Variants in CCDC186 observed in about 807,000 individuals in gnomAD.
CCDC186 encodes the protein coiled-coil domain containing 186, also known as coiled-coil domain-containing protein 186.
CCDC186 carries 49 observed loss-of-function variants against 113.7 expected under a neutral mutation model. The observed-to-expected ratio is 0.43, with a 90% CI of 0.34 to 0.55. The LOEUF (loss-of-function observed/expected upper bound fraction) is 0.55, where lower values mean the gene tolerates loss of function less well. Among genes scored for constraint, CCDC186 ranks in the 20% least tolerant of loss-of-function variants. CCDC186 has a pLI of 0.02. For synonymous variants in CCDC186, 355 were observed against 345.8 expected, an observed-to-expected ratio of 1.03 and a Z score of -0.30; for missense variants, 890 against 1,011.1, an observed-to-expected ratio of 0.88 and a Z score of 1.62.
intron 3 of CCDC186, among the ~76,000 whole-genome samples, chr10:114,156,465 G>A (rs2032012768): frequency 6.6e-6 from 1 of 152,234 alleles, no homozygotes; most frequent in Non-Finnish European, 1.5e-5. Context: ...GTTCATGCCT[G>A]TAATCCCAGA....
In CCDC186 at chr10:114,163,192, G is replaced by C; in HGVS notation, c.77C>G (p.Ser26Ter). Reference protein sequence around the residue: ...VGKTPELKEDSCNLFSGNESS... With the variant: ...VGKTPELKED ...TTCATTGCCAGAAAACAAGTTGCAT[G>C]AGTCTTCCTTTAATTCAGGTGTTTT... The change falls in exon 2 of 16, where the codon TCA becomes TGA. Residue 26 changes from serine to a stop codon, truncating the protein, a stop_gained. Transcript: ENST00000369287. LOFTEE classifies it high-confidence loss of function. 2 of 1,613,962 alleles carry C rather than the reference G, an allele frequency of 1.2e-6. No homozygotes were observed. Among genetic ancestry groups the C allele is most frequent in the South Asian group, 1.1e-5 (1 of 91,082 alleles).
intron 2 of CCDC186, among the ~76,000 whole-genome samples, chr10:114,157,973 T>C (rs773856872): frequency 2.0e-5 from 3 of 152,234 alleles, no homozygotes; most frequent in South Asian, 2.1e-4. Flanking sequence ...GTATCTCAAT[T>C]ATGCACCAAT....
chr10:114,130,085 C>T, intron 12 of CCDC186, 114 bp from the exon 13 acceptor site: 1 of 800,222 alleles, frequency 1.2e-6, no homozygotes, highest in Non-Finnish European at 2.0e-6. Context: ...AGAGAAAGTT[C>T]TTGAATACAT....
chr10:114,140,946 G>A (rs1186584694), intron 6 of CCDC186, among the ~76,000 whole-genome samples: 1 of 151,606 alleles, frequency 6.6e-6, no homozygotes, highest in Non-Finnish European at 1.5e-5. Context: ...GTGTTGCCCA[G>A]GCTGGAGTGC....
intron 2 of CCDC186, 100 bp from the exon 3 acceptor site, chr10:114,157,780 A>G (rs2032055275): frequency 1.2e-6 from 1 of 837,396 alleles, no homozygotes; most frequent in South Asian, 1.8e-5. Flanking sequence ...ACAGATATCT[A>G]TAATTATTCA....
chr10:114,160,297 C>G (rs1000455414), intron 2 of CCDC186, among the ~76,000 whole-genome samples: 3 of 151,152 alleles, frequency 2.0e-5, no homozygotes, highest in African/African-American at 7.3e-5. Context: ...TTGGTTGGAA[C>G]CTTAGACAGT....
At chr10:114,134,169 G>A (rs1403001168) in intron 10 of CCDC186, among the ~76,000 whole-genome samples, 1 of 152,198 alleles carries the variant, frequency 6.6e-6, no homozygotes, top group Non-Finnish European at 1.5e-5. Flanking sequence ...TGAGACAACT[G>A]TCACCTGACA....
In CCDC186 at chr10:114,125,232, A is replaced by C. The variant is rs1358273485; in HGVS notation, c.2614-6T>G. On this transcript the variant is annotated splice_polypyrimidine_tract_variant and splice_region_variant and intron_variant, in intron 15 of 15. Transcript: ENST00000369287. ...CCAAGTGTTTGTAGATTTTCCTTTA[A>C]TAATTGGGGTGAGGGGAAAGGGAAG... is the stretch of plus-strand genomic sequence containing the variant. 1.3e-6 allele frequency: 2 copies of C among 1,591,388 alleles called. No homozygotes were observed. Among genetic ancestry groups the C allele is most frequent in the Non-Finnish European group, 8.6e-7 (1 of 1,161,644 alleles).
intron 10 of CCDC186, among the ~76,000 whole-genome samples, chr10:114,132,654 T>G (rs1040347230): frequency 6.6e-6 from 1 of 152,158 alleles, no homozygotes; most frequent in Non-Finnish European, 1.5e-5. Flanking sequence ...CCAAAAAAAC[T>G]TCACTTACTA....
At chr10:114,157,829 T>C in intron 2 of CCDC186, 149 bp from the exon 3 acceptor site, 1 of 645,810 alleles carries the variant, frequency 1.5e-6, no homozygotes, top group East Asian at 3.5e-5. Flanking sequence ...AATCATTTTA[T>C]AGTGAAACAT....
intron 3 of CCDC186, among the ~76,000 whole-genome samples, chr10:114,156,332 C>A (rs1225394986): frequency 6.6e-6 from 1 of 152,202 alleles, no homozygotes; most frequent in Non-Finnish European, 1.5e-5. Flanking sequence ...ATCCTGTTCA[C>A]AGAAGAAAAA....
At chr10:114,149,779 AGGAAGGC>A (rs2031782116) in intron 4 of CCDC186, among the ~76,000 whole-genome samples, 1 of 55,858 alleles carries the variant, frequency 1.8e-5, no homozygotes. Context: ...GAAGGAAGGC[AGGAAGGC>A]AGGAAGGAAG....
At chr10:114,143,006 CTTT>C (rs1042647608) in intron 6 of CCDC186, among the ~76,000 whole-genome samples, 1 of 152,192 alleles carries the variant, frequency 6.6e-6, no homozygotes, top group East Asian at 1.9e-4. Context: ...TCTCCTAAGG[CTTT>C]TATAGCCTCC....
intron 4 of CCDC186, among the ~76,000 whole-genome samples, chr10:114,149,746 CAGGAAGGCAGGAAGGAAGGAAGGAAGGA>C (rs2031775163): frequency 3.0e-4 from 7 of 23,502 alleles, no homozygotes; most frequent in East Asian, 6.4e-3. Context: ...GGAAGGAAGG[CAGGAAGGCAGGAAGGAAGGAAGGAAGGA>C]AGGCAGGAAG....
intron 6 of CCDC186, among the ~76,000 whole-genome samples, chr10:114,143,516 T>G (rs1172475157): frequency 6.6e-6 from 1 of 152,292 alleles, no homozygotes; most frequent in East Asian, 1.9e-4. Context: ...CCTCCTCCTT[T>G]CTGAAAATTC....
At chr10:114,165,916 G>A in intron 1 of CCDC186, 1 of 983,128 alleles carries the variant, frequency 1.0e-6, no homozygotes, top group Non-Finnish European at 1.2e-6. Flanking sequence ...ATGCCAAGCA[G>A]CTGGGAACAG....
intron 8 of CCDC186, 37 bp from the exon 9 acceptor site, chr10:114,136,014 G>A (rs769118052): frequency 1.7e-5 from 26 of 1,562,918 alleles, no homozygotes; most frequent in Non-Finnish European, 2.3e-5. Flanking sequence ...AAATCATAAT[G>A]TGCTAAACTA....
At chr10:114,155,670 C>T (rs2031990098) in intron 3 of CCDC186, among the ~76,000 whole-genome samples, 1 of 151,704 alleles carries the variant, frequency 6.6e-6, no homozygotes, top group East Asian at 1.9e-4. Flanking sequence ...AGCGAAACCC[C>T]ATCTCAAAGA....
chr10:114,124,159 G>A lies in CCDC186; in HGVS notation c.*984C>T, dbSNP rs375609520. ...AGCTACTGCACCTGGTCTACTTTAT[G>A]TTTTAAATAAATACACTGAAACATC... is the stretch of plus-strand genomic sequence containing the variant. On this transcript the variant is annotated 3_prime_UTR_variant, in exon 16 of 16. Transcript: ENST00000369287. 3.9e-5 allele frequency: 6 copies of A among 152,254 alleles called. No individual in the cohort carries two copies. In the East Asian group the frequency reaches 5.8e-4, roughly 15 times the overall value. The allele number at this position is 152,254 out of a possible 1,614,324, so 9.4% of individuals were successfully genotyped here.
Sources: allele counts gnomAD v4.1 joint callset (sites outside exome capture counted in the v4.1 genomes callset), GRCh38; gene constraint gnomAD v4.1.1; transcripts MANE v1.5; gene names NCBI Gene and HGNC (gene_info 2026-07-23, HGNC 2026-07-21).